FNBP1: variants seen among roughly 807,000 people sequenced by gnomAD.
The protein encoded by FNBP1 is formin-binding protein 1.
A neutral mutation model predicts 90.6 loss-of-function variants in FNBP1; 26 were observed. That is an observed-to-expected ratio of 0.29 (90% CI 0.21 to 0.40). The LOEUF is 0.40. FNBP1 is among the 10% of genes least tolerant of loss of function. The probability of loss-of-function intolerance (pLI) is 1.00; values close to 1 mark genes in which losing one functional copy is unlikely to be tolerated. For missense variants in FNBP1, 635 were observed against 768.0 expected, an observed-to-expected ratio of 0.83 and a Z score of 2.05; for synonymous variants, 260 against 265.2, an observed-to-expected ratio of 0.98 and a Z score of 0.19.
chr9:130,020,500 G>A (rs866683682), intron 1 of FNBP1, among the ~76,000 whole-genome samples: 5 of 152,118 alleles, frequency 3.3e-5, no homozygotes, highest in Non-Finnish European at 5.9e-5. Context: ...GTGAGCCAGC[G>A]TGCCCAGCTT....
At chr9:129,968,360 A>C (rs1164277315) in intron 4 of FNBP1, among the ~76,000 whole-genome samples, 1 of 146,646 alleles carries the variant, frequency 6.8e-6, no homozygotes, top group Non-Finnish European at 1.5e-5. Context: ...GCACCATTGC[A>C]CTCCAGCCTG....
At chr9:129,923,528 G>C (rs534059557) in intron 10 of FNBP1, among the ~76,000 whole-genome samples, 1 of 150,408 alleles carries the variant, frequency 6.6e-6, no homozygotes, top group African/African-American at 2.4e-5. Flanking sequence ...GCAGGGAGCC[G>C]AGATCACGCC....
At chr9:129,939,270 T>A (rs903122086) in intron 6 of FNBP1, among the ~76,000 whole-genome samples, 10 of 149,988 alleles carry the variant, frequency 6.7e-5, no homozygotes, top group African/African-American at 2.4e-4. Context: ...GTGCCTGTAA[T>A]CCCAGATACT....
chr9:130,018,470 A>G (rs2057479137), intron 1 of FNBP1, among the ~76,000 whole-genome samples: 1 of 152,200 alleles, frequency 6.6e-6, no homozygotes, highest in Admixed American at 6.6e-5. Context: ...CTCAGGCTGT[A>G]GAGCCTACAA....
At chr9:129,984,673 T>C (rs2051850496) in intron 2 of FNBP1, among the ~76,000 whole-genome samples, 1 of 151,812 alleles carries the variant, frequency 6.6e-6, no homozygotes, top group Non-Finnish European at 1.5e-5. Flanking sequence ...CAACTTGAAT[T>C]GTATCTCCCA....
chr9:130,042,663 C>A lies in FNBP1; in HGVS notation c.24+289G>T, dbSNP rs2059936550. Among the ~76,000 whole-genome samples, 1 of 151,688 alleles carries A rather than the reference C, an allele frequency of 6.6e-6. No homozygotes were observed. Among genetic ancestry groups the A allele is most frequent in the Non-Finnish European group, 1.5e-5 (1 of 67,850 alleles). On this transcript the variant is annotated intron_variant, in intron 1 of 16. Coordinates refer to ENST00000446176, the MANE Select transcript of FNBP1 (RefSeq NM_015033.3). This position sits in a 1 kb window ranked among gnomAD's most constrained non-coding sequence, Gnocchi z 5.5. ...GGATTAGGGCTCGGCCCGACACACA[C>A]GGCCCGCTCCGGGGCGCCGGGGACA...
At chr9:129,894,371 C>T (rs1564244944) in intron 16 of FNBP1, among the ~76,000 whole-genome samples, 2 of 152,004 alleles carry the variant, frequency 1.3e-5, no homozygotes, top group East Asian at 1.9e-4. Flanking sequence ...AGATTCCTTT[C>T]GATGTGGTGA....
chr9:129,889,073 A>T lies in FNBP1; in HGVS notation c.*1466T>A. Reference sequence around the variant, plus strand: ...TGAGAGGAGGGGCTGCTCTGCTCTAAGGCGTGGCGGGGGGGGGGGGTGGTG... The same window carrying T: ...TGAGAGGAGGGGCTGCTCTGCTCTATGGCGTGGCGGGGGGGGGGGGTGGTG... On this transcript the variant is annotated 3_prime_UTR_variant, in exon 17 of 17. Transcript: ENST00000446176. The T allele has an allele frequency of 9.1e-5, 1 of 10,962 alleles. No individual in the cohort carries two copies. Among genetic ancestry groups the T allele is most frequent in the Non-Finnish European group, 1.9e-4 (1 of 5,298 alleles). The allele number at this position is 10,962 out of a possible 1,614,324, so 0.7% of individuals were successfully genotyped here.
intron 16 of FNBP1, among the ~76,000 whole-genome samples, chr9:129,892,265 C>T (rs960260194): frequency 4.6e-5 from 7 of 151,822 alleles, no homozygotes; most frequent in Non-Finnish European, 2.9e-5. Context: ...AGAGAGCAAT[C>T]GAAGAACCAA....
At chr9:129,899,862 T>C in intron 15 of FNBP1, 103 bp downstream of exon 15, 1 of 1,078,206 alleles carries the variant, frequency 9.3e-7, no homozygotes, top group South Asian at 2.2e-5. Flanking sequence ...GACAAAGGAA[T>C]AAAAATGATC....
chr9:129,922,735 A>G (rs1305466021), intron 10 of FNBP1, among the ~76,000 whole-genome samples: 1 of 152,162 alleles, frequency 6.6e-6, no homozygotes, highest in Non-Finnish European at 1.5e-5. Context: ...ACTGTGACTT[A>G]TGACTCTTCT....
chr9:130,053,533 A>G, the FNBP1 span: 1 of 204,404 alleles, frequency 4.9e-6, no homozygotes, highest in Non-Finnish European at 1.0e-5. Context: ...GTCAACGCTC[A>G]GTGAAATCAG....
chr9:129,922,972 C>T (rs1031903898), intron 10 of FNBP1, among the ~76,000 whole-genome samples: 4 of 151,648 alleles, frequency 2.6e-5, no homozygotes, highest in African/African-American at 9.7e-5. Context: ...CTTCCTGCCT[C>T]GGCCTTCCAA....
At chr9:129,937,104 A>T (rs2043584742) in intron 6 of FNBP1, among the ~76,000 whole-genome samples, 1 of 152,008 alleles carries the variant, frequency 6.6e-6, no homozygotes, top group Non-Finnish European at 1.5e-5. Context: ...CGGGAGACAG[A>T]GGCTGCAGTG....
At chr9:130,004,371 C>T (rs976513616) in intron 1 of FNBP1, among the ~76,000 whole-genome samples, 3 of 152,124 alleles carry the variant, frequency 2.0e-5, no homozygotes, top group Non-Finnish European at 4.4e-5. Context: ...GGCACAGACT[C>T]CAGGAAAGGG....
At chr9:130,022,099 T>G (rs2131934787) in intron 1 of FNBP1, among the ~76,000 whole-genome samples, 1 of 152,216 alleles carries the variant, frequency 6.6e-6, no homozygotes, top group South Asian at 2.1e-4. Context: ...GCTCAAGTGA[T>G]CCACCCGCCT....
intron 4 of FNBP1, among the ~76,000 whole-genome samples, chr9:129,962,646 G>A (rs2048004568): frequency 6.6e-6 from 1 of 152,202 alleles, no homozygotes; most frequent in Admixed American, 6.5e-5. Context: ...ACTGTTTTAA[G>A]CGCCTCTTTG....
chr9:129,891,116 C>T (rs992816361), intron 16 of FNBP1, among the ~76,000 whole-genome samples: 1 of 148,146 alleles, frequency 6.8e-6, no homozygotes, highest in African/African-American at 2.5e-5. Flanking sequence ...GATCGGGCCA[C>T]TGCACTCCAG....
chr9:129,893,014 A>C (rs1227086004), intron 16 of FNBP1, among the ~76,000 whole-genome samples: 1 of 152,174 alleles, frequency 6.6e-6, no homozygotes, highest in Non-Finnish European at 1.5e-5. Context: ...TTTTCAAAGC[A>C]GACTTTCACA....
Sources: gnomAD v4.1 joint callset for allele counts (sites outside exome capture counted in the v4.1 genomes callset) on GRCh38, gnomAD v4.1.1 for gene constraint, Gnocchi (gnomAD v3.1) non-coding constraint, MANE v1.5 for transcripts, NCBI Gene and HGNC (gene_info 2026-07-23, HGNC 2026-07-21) for gene names.